CADPS2: variants seen among roughly 807,000 people sequenced by gnomAD.
CADPS2 encodes the protein calcium-dependent secretion activator 2.
A neutral mutation model predicts 172.5 loss-of-function variants in CADPS2; 93 were observed. The ratio of observed to expected loss-of-function variants is 0.54; its 90% CI spans 0.46 to 0.64. The LOEUF (loss-of-function observed/expected upper bound fraction) is 0.64, where lower values mean the gene tolerates loss of function less well. Ranked by LOEUF, CADPS2 falls within the 30% of genes least tolerant of loss-of-function variation. The pLI is 0.00. For missense variants in CADPS2, 1,420 were observed against 1,565.9 expected, an observed-to-expected ratio of 0.91 and a Z score of 1.57; for synonymous variants, 546 against 555.2, an observed-to-expected ratio of 0.98 and a Z score of 0.23.
intron 12 of CADPS2, among the ~76,000 whole-genome samples, chr7:122,478,586 T>C (rs578089924): frequency 6.6e-6 from 1 of 152,328 alleles, no homozygotes; most frequent in African/African-American, 2.4e-5. Context: ...AAGTCAAGCC[T>C]AAAAATTAAA....
chr7:122,381,004 T>A (rs557162925), intron 24 of CADPS2, among the ~76,000 whole-genome samples: 2 of 152,256 alleles, frequency 1.3e-5, no homozygotes, highest in Non-Finnish European at 2.9e-5. Flanking sequence ...GCAGTTAAAC[T>A]TCTGATCCAG....
At chr7:122,849,725 T>C (rs1813005340) in intron 1 of CADPS2, 1 of 381,452 alleles carries the variant, frequency 2.6e-6, no homozygotes. Context: ...AAAAAGCCAA[T>C]ACTATTTCTC....
Position 122,651,688 on chromosome 7 carries a change from G to A in CADPS2, c.786+11549C>T, listed in dbSNP as rs148093846. ...CTCAGTTAACTTTGCTTTGACACTC[G>A]GGTAAATCTGGGTGAGTCGCTTTCT... On this transcript the variant is annotated intron_variant, in intron 3 of 29. Transcript: ENST00000449022. Among the ~76,000 whole-genome samples, 411 of 152,202 alleles carry A rather than the reference G, an allele frequency of 2.7e-3. 1 individual carries two copies. Among genetic ancestry groups the A allele is most frequent in the African/African-American group, 8.8e-3 (366 of 41,546 alleles).
At chr7:122,835,341 G>A (rs1354461127) in intron 1 of CADPS2, among the ~76,000 whole-genome samples, 1 of 152,194 alleles carries the variant, frequency 6.6e-6, no homozygotes, top group Non-Finnish European at 1.5e-5. Context: ...GGAAAAAGCA[G>A]AGCAGAAAAG....
intron 8 of CADPS2, among the ~76,000 whole-genome samples, chr7:122,538,271 A>T (rs2062532462): frequency 6.6e-6 from 1 of 151,638 alleles, no homozygotes; most frequent in Admixed American, 6.6e-5. Context: ...GAAGAAAAAA[A>T]TTATAGACCA....
At chr7:122,795,384 T>A (rs1371653093) in intron 1 of CADPS2, among the ~76,000 whole-genome samples, 1 of 152,018 alleles carries the variant, frequency 6.6e-6, no homozygotes, top group East Asian at 1.9e-4. Flanking sequence ...CCTGGACACA[T>A]ACACCCTCCC....
chr7:122,428,473 T>A (rs200645297), intron 17 of CADPS2, among the ~76,000 whole-genome samples: 1,093 of 71,296 alleles, frequency 0.015, 5 homozygotes, highest in East Asian at 0.082. Context: ...ATATATATAT[T>A]TTTTTTTTTT....
chr7:122,526,347 A>G (rs2061235430), intron 8 of CADPS2, among the ~76,000 whole-genome samples: 1 of 152,040 alleles, frequency 6.6e-6, no homozygotes, highest in African/African-American at 2.4e-5. Flanking sequence ...ATGCACCACC[A>G]TGCCCAGCTA....
chr7:122,870,755 C>T (rs1306578035), intron 1 of CADPS2, among the ~76,000 whole-genome samples: 2 of 151,916 alleles, frequency 1.3e-5, no homozygotes, highest in Non-Finnish European at 1.5e-5. Context: ...TTATTTGTCA[C>T]CCAAAAAGAG....
chr7:122,705,958 AT>A (rs1206234937), intron 2 of CADPS2, among the ~76,000 whole-genome samples: 1 of 20,966 alleles, frequency 4.8e-5, no homozygotes, highest in South Asian at 2.7e-3. Context: ...TATATAATAT[AT>A]ATATAATATA....
intron 1 of CADPS2, among the ~76,000 whole-genome samples, chr7:122,799,143 C>T (rs1440969947): frequency 1.3e-5 from 2 of 152,060 alleles, no homozygotes; most frequent in East Asian, 1.9e-4. Context: ...AAAAATATGG[C>T]CATTTCCTTT....
At chr7:122,720,544 G>A (rs952885930) in intron 2 of CADPS2, among the ~76,000 whole-genome samples, 3 of 150,940 alleles carry the variant, frequency 2.0e-5, no homozygotes, top group African/African-American at 7.3e-5. Context: ...ATATGTATGT[G>A]TATGTATATA....
chr7:122,474,441 A>C lies in CADPS2; in HGVS notation c.1938T>G (p.Leu646=). 6.2e-7 allele frequency: 1 copy of C among 1,613,494 alleles called. No homozygotes were observed. The highest frequency in any genetic ancestry group is 8.5e-7 in the Non-Finnish European group (1 of 1,179,660). The part of the protein sequence containing the change: ...ANPCKLDHAF[L]FRILQRQTLD... ...AAGTCTGCCTCTGGAGTATTCTAAA[A>C]AGGAAGGCATGATCAAGCTTGCAGG... The change falls in exon 13 of 30, where the codon CTT becomes CTG. Residue 646 remains leucine (L), a synonymous_variant. Transcript: ENST00000449022.
chr7:122,783,165 G>A (rs1303547694), intron 1 of CADPS2, among the ~76,000 whole-genome samples: 5 of 145,344 alleles, frequency 3.4e-5, no homozygotes, highest in South Asian at 4.3e-4. Flanking sequence ...GCAGTGAGCC[G>A]AGAGGCGACA....
At chr7:122,390,481 G>T (rs1385153340) in intron 22 of CADPS2, among the ~76,000 whole-genome samples, 1 of 151,860 alleles carries the variant, frequency 6.6e-6, no homozygotes, top group African/African-American at 2.4e-5. Context: ...GTAACTATTT[G>T]GAATGTATAT....
At chr7:122,622,526 C>T (rs993801168) in intron 4 of CADPS2, among the ~76,000 whole-genome samples, 2 of 152,036 alleles carry the variant, frequency 1.3e-5, no homozygotes, top group Non-Finnish European at 1.5e-5. Flanking sequence ...TAGATGGTGC[C>T]GAATCATTCT....
intron 3 of CADPS2, among the ~76,000 whole-genome samples, chr7:122,637,324 G>GT (rs747728698): frequency 6.6e-5 from 10 of 151,474 alleles, no homozygotes; most frequent in Non-Finnish European, 1.2e-4. Context: ...CTCCCAAGTA[G>GT]TTGGGACTAC....
At chr7:122,323,423 AATT>A (rs1395633364) in intron 29 of CADPS2, among the ~76,000 whole-genome samples, 1 of 152,132 alleles carries the variant, frequency 6.6e-6, no homozygotes, top group Non-Finnish European at 1.5e-5. Context: ...TAATTAATAA[AATT>A]ATTGTTCTTT....
intron 27 of CADPS2, among the ~76,000 whole-genome samples, chr7:122,357,599 T>C (rs1266423250): frequency 6.6e-6 from 1 of 152,184 alleles, no homozygotes; most frequent in Non-Finnish European, 1.5e-5. Flanking sequence ...TACAGAATAG[T>C]TGCTGTGTTC....
Sources: allele counts gnomAD v4.1 joint callset (sites outside exome capture counted in the v4.1 genomes callset), GRCh38; gene constraint gnomAD v4.1.1; transcripts MANE v1.5; gene names NCBI Gene and HGNC (gene_info 2026-07-23, HGNC 2026-07-21).